DLG2: variants seen among roughly 807,000 people sequenced by gnomAD.
DLG2 encodes disks large homolog 2.
A neutral mutation model predicts 132.5 loss-of-function variants in DLG2; 45 were observed. The observed-to-expected ratio is 0.34, with a 90% CI of 0.27 to 0.44. The LOEUF (loss-of-function observed/expected upper bound fraction) is 0.44, where lower values mean the gene tolerates loss of function less well. Among genes scored for constraint, DLG2 ranks in the 20% least tolerant of loss-of-function variants. The probability of loss-of-function intolerance (pLI) is 1.00; values close to 1 mark genes in which losing one functional copy is unlikely to be tolerated. For synonymous variants in DLG2, 424 were observed against 419.6 expected (o/e 1.01, Z -0.13); for missense variants, 1,045 against 1,196.9 (o/e 0.87, Z 1.87).
At chr11:84,130,080 G>T (rs958450100) in intron 9 of DLG2, among the ~76,000 whole-genome samples, 3 of 151,858 alleles carry the variant, frequency 2.0e-5, no homozygotes, top group Admixed American at 2.0e-4. Flanking sequence ...AATTAAAAAG[G>T]TATTCTTGAG....
At chr11:85,274,040 G>A (rs867581211) in intron 4 of DLG2, among the ~76,000 whole-genome samples, 1 of 152,144 alleles carries the variant, frequency 6.6e-6, no homozygotes, top group African/African-American at 2.4e-5. Context: ...TCACTCATAG[G>A]TGGGAATTGA....
chr11:85,117,062 G>T (rs1357562049), intron 5 of DLG2, among the ~76,000 whole-genome samples: 2 of 152,050 alleles, frequency 1.3e-5, no homozygotes, highest in East Asian at 3.9e-4. Context: ...TCTTAAGTGA[G>T]AAGTGGCTTC....
In DLG2 at chr11:85,053,612, C is replaced by T. The variant is rs187303525; in HGVS notation, c.357+58049G>A. Reference sequence around the variant, plus strand: ...GACCATCCTGCCTAACACGGTGAAACCCCATCTCTACTAAAAATACAAAAA... The same window carrying T: ...GACCATCCTGCCTAACACGGTGAAATCCCATCTCTACTAAAAATACAAAAA... On this transcript the variant is annotated intron_variant, in intron 6 of 27. Transcript: ENST00000376104. 4.3e-5 allele frequency among the ~76,000 whole-genome samples: 6 copies of T among 140,134 alleles called. No homozygotes were observed. The East Asian group carries it at 1.3e-3, about 30-fold the overall frequency. 91.9% of individuals were successfully genotyped at this position (140,134 alleles called of 152,430 possible).
At chr11:85,548,212 T>G (rs1367339998) in intron 3 of DLG2, among the ~76,000 whole-genome samples, 1 of 152,226 alleles carries the variant, frequency 6.6e-6, no homozygotes, top group Non-Finnish European at 1.5e-5. Flanking sequence ...TATTCCTTTC[T>G]GTTTGTTAGT....
intron 3 of DLG2, among the ~76,000 whole-genome samples, chr11:85,376,295 T>A (rs558434637): frequency 5.3e-5 from 8 of 152,132 alleles, no homozygotes; most frequent in Non-Finnish European, 1.0e-4. Context: ...AATTTGGGCC[T>A]TGAAAAAATA....
chr11:84,131,380 G>A (rs935452150), intron 9 of DLG2, among the ~76,000 whole-genome samples: 26 of 151,850 alleles, frequency 1.7e-4, no homozygotes, highest in African/African-American at 2.9e-4. Context: ...TGTATGTTGC[G>A]TACTTGTATG....
chr11:84,235,764 G>A (rs1015662975), intron 8 of DLG2, among the ~76,000 whole-genome samples: 3 of 151,870 alleles, frequency 2.0e-5, no homozygotes. Flanking sequence ...TACAACTACC[G>A]AGAGGCAGGG....
chr11:84,747,547 G>A (rs575607310), intron 6 of DLG2, among the ~76,000 whole-genome samples: 2 of 152,236 alleles, frequency 1.3e-5, no homozygotes, highest in South Asian at 4.2e-4. Flanking sequence ...ACAGTAAAAT[G>A]AGAATAAAAT....
chr11:84,964,347 A>G (rs2053027433), intron 6 of DLG2, among the ~76,000 whole-genome samples: 1 of 152,136 alleles, frequency 6.6e-6, no homozygotes, highest in African/African-American at 2.4e-5. Flanking sequence ...AGCATTAGTA[A>G]TTAGGTTAAC....
intron 6 of DLG2, among the ~76,000 whole-genome samples, chr11:84,956,649 G>T (rs747510266): frequency 6.6e-6 from 1 of 151,978 alleles, no homozygotes; most frequent in African/African-American, 2.4e-5. Context: ...CCTCTGCTCC[G>T]GAAGGCACTA....
intron 15 of DLG2, among the ~76,000 whole-genome samples, chr11:83,921,994 G>A (rs2078027197): frequency 6.6e-6 from 1 of 152,088 alleles, no homozygotes; most frequent in Admixed American, 6.6e-5. Flanking sequence ...CCCTCATGAA[G>A]CCTCCTGACT....
At chr11:84,592,933 TAAAAAAAAAAAAAAAAAAAAAAA>T (rs61017970) in intron 6 of DLG2, among the ~76,000 whole-genome samples, 37 of 18,198 alleles carry the variant, frequency 2.0e-3, no homozygotes, top group African/African-American at 3.4e-3. Flanking sequence ...CTGTCTCTAC[TAAAAAAAAAAAAAAAAAAAAAAA>T]AAAAAAAAAA....
At chr11:85,150,409 T>C (rs2077162125) in intron 5 of DLG2, among the ~76,000 whole-genome samples, 1 of 152,148 alleles carries the variant, frequency 6.6e-6, no homozygotes, top group Non-Finnish European at 1.5e-5. Context: ...AGTTCAATAG[T>C]GTTAAGTATA....
chr11:84,084,020 C>T (rs1331384546), intron 10 of DLG2, among the ~76,000 whole-genome samples: 3 of 152,098 alleles, frequency 2.0e-5, no homozygotes, highest in Non-Finnish European at 4.4e-5. Flanking sequence ...ACCAGAGGGC[C>T]GCAGTTCACT....
rs372753380 is a variant in DLG2, at chr11:83,785,890, C to T, written c.1825+800G>A. On this transcript the variant is annotated intron_variant, in intron 18 of 27. Transcript: ENST00000376104. Reference sequence around the variant, plus strand: ...CTAGCCATATGGACCAAAAGCAATGCGCTTCATTTCTTGAAGACAGTAGCC... The same window carrying T: ...CTAGCCATATGGACCAAAAGCAATGTGCTTCATTTCTTGAAGACAGTAGCC... Among the ~76,000 whole-genome samples, 77 of 152,318 alleles carry T rather than the reference C, an allele frequency of 5.1e-4. No individual in the cohort carries two copies. The East Asian group carries it at 0.012, about 24-fold the overall frequency.
intron 8 of DLG2, among the ~76,000 whole-genome samples, chr11:84,226,421 A>G (rs1364849850): frequency 2.6e-5 from 4 of 152,198 alleles, no homozygotes; most frequent in Non-Finnish European, 4.4e-5. Flanking sequence ...AATTGTTCAC[A>G]CAGGACTCGA....
At chr11:84,016,123 C>G (rs183390883) in intron 11 of DLG2, among the ~76,000 whole-genome samples, 1 of 152,076 alleles carries the variant, frequency 6.6e-6, no homozygotes, top group African/African-American at 2.4e-5. Flanking sequence ...TTGCGTTTCT[C>G]TAATGATCAG....
intron 14 of DLG2, among the ~76,000 whole-genome samples, chr11:83,943,766 T>C (rs756304689): frequency 2.6e-5 from 4 of 152,224 alleles, no homozygotes; most frequent in African/African-American, 9.6e-5. Context: ...TTACTGCCCT[T>C]AGAAAACACA....
At chr11:85,594,713 T>C (rs530995424) in intron 3 of DLG2, among the ~76,000 whole-genome samples, 2 of 152,260 alleles carry the variant, frequency 1.3e-5, no homozygotes. Context: ...AAAACAATTA[T>C]GGTGGTAATA....
Sources: allele counts gnomAD v4.1 joint callset (sites outside exome capture counted in the v4.1 genomes callset), GRCh38; gene constraint gnomAD v4.1.1; transcripts MANE v1.5; gene names NCBI Gene and HGNC (gene_info 2026-07-23, HGNC 2026-07-21).